ZNF704: variants seen among roughly 807,000 people sequenced by gnomAD.
ZNF704 encodes zinc finger protein 704.
Under a neutral mutation model 44.7 loss-of-function variants are expected in ZNF704, and 10 were observed. The observed-to-expected ratio is 0.22, with a 90% confidence interval of 0.14 to 0.38. The LOEUF (loss-of-function observed/expected upper bound fraction) is 0.38. ZNF704 is among the 10% of genes least tolerant of loss of function. ZNF704 has a pLI of 1.00. For synonymous variants in ZNF704, 211 were observed against 207.6 expected (o/e 1.02, Z -0.14); for missense variants, 390 against 545.5 (o/e 0.71, Z 2.84).
intron 1 of ZNF704, among the ~76,000 whole-genome samples, chr8:80,837,031 T>C (rs1207016687): frequency 6.6e-6 from 1 of 152,150 alleles, no homozygotes; most frequent in Non-Finnish European, 1.5e-5. Context: ...GTAGCATTAT[T>C]ACATAAATGG....
chr8:80,821,601 C>T lies in ZNF704; in HGVS notation c.-7G>A, dbSNP rs1808272659. On this transcript the variant is annotated 5_prime_UTR_variant, in exon 2 of 9. Transcript: ENST00000327835. ...ACTGAAATGTGAAGGTCATTTCCCGCTTAATGCTCCCCACCTGTGAAATGA... is the reference window on the plus strand; with the variant it reads ...ACTGAAATGTGAAGGTCATTTCCCGTTTAATGCTCCCCACCTGTGAAATGA... 1 of 1,612,730 alleles carries T rather than the reference C, an allele frequency of 6.2e-7. No homozygotes were observed. The highest frequency in any genetic ancestry group is 1.7e-5 in the Admixed American group (1 of 59,840).
At chr8:80,867,024 T>G (rs1162601435) in intron 1 of ZNF704, among the ~76,000 whole-genome samples, 1 of 152,154 alleles carries the variant, frequency 6.6e-6, no homozygotes, top group Admixed American at 6.5e-5. Context: ...CAACCAGTAG[T>G]AAAATGCTGG....
Position 80,641,061 on chromosome 8 carries a change from C to G in ZNF704, c.*305G>C, listed in dbSNP as rs926863337. 1.5e-5 allele frequency: 3 copies of G among 197,250 alleles called. No homozygotes were observed. The highest frequency in any genetic ancestry group is 6.9e-5 in the African/African-American group (3 of 43,208). 12.2% of individuals were successfully genotyped at this position (197,250 alleles called of 1,614,324 possible). On this transcript the variant is annotated 3_prime_UTR_variant, in exon 9 of 9. Coordinates refer to ENST00000327835, the MANE Select transcript of ZNF704 (RefSeq NM_001033723.3). ...AAAATGGGCTTTGTTGGTTCAATTG[C>G]TACAGAAGTCCACAGTTTTAAGTCT...
intron 4 of ZNF704, among the ~76,000 whole-genome samples, chr8:80,681,442 A>G (rs1486970663): frequency 6.6e-6 from 1 of 152,140 alleles, no homozygotes; most frequent in East Asian, 1.9e-4. Context: ...GGCAGCATTA[A>G]TCTATAGTGA....
At position 80,636,211 on chromosome 8, in the gene ZNF704, A is replaced by G. The variant is rs561912967; in HGVS notation, c.*5155T>C. ...ATAATTGTTTTTGTATTTAAAGGTT[A>G]TGTTTTGCCAAGACATATTACCATT... On this transcript the variant is annotated 3_prime_UTR_variant, in exon 9 of 9. Transcript: ENST00000327835. The G allele has an allele frequency of 6.6e-6, 1 of 152,328 alleles. No individual in the cohort carries two copies. Among genetic ancestry groups the G allele is most frequent in the African/African-American group, 2.4e-5 (1 of 41,572 alleles). 9.4% of individuals were successfully genotyped at this position (152,328 alleles called of 1,614,324 possible). A position where few individuals can be genotyped will look rare whatever the true frequency, so the allele number is the denominator to read the frequency against.
At chr8:80,813,658 A>G (rs1029807537) in intron 2 of ZNF704, among the ~76,000 whole-genome samples, 14 of 152,166 alleles carry the variant, frequency 9.2e-5, no homozygotes, top group Admixed American at 7.9e-4. Flanking sequence ...CGGGCAGATC[A>G]TGAGGTCAGG....
chr8:80,764,312 A>T (rs1243920458), intron 2 of ZNF704, among the ~76,000 whole-genome samples: 1 of 152,236 alleles, frequency 6.6e-6, no homozygotes, highest in Non-Finnish European at 1.5e-5. Context: ...AGGTCTCAGG[A>T]AACTTAGAGT....
intron 2 of ZNF704, among the ~76,000 whole-genome samples, chr8:80,747,361 C>G (rs530626430): frequency 6.6e-6 from 1 of 152,096 alleles, no homozygotes; most frequent in Non-Finnish European, 1.5e-5. Context: ...ATAGTTTATA[C>G]CATAAATAGC....
chr8:80,810,797 G>A (rs1417273327), intron 2 of ZNF704, among the ~76,000 whole-genome samples: 1 of 152,222 alleles, frequency 6.6e-6, no homozygotes, highest in Admixed American at 6.5e-5. Flanking sequence ...GGGACATACA[G>A]GAATCATGCT....
chr8:80,659,726 A>C, intron 6 of ZNF704, 37 bp from the exon 7 acceptor site: 1 of 1,591,702 alleles, frequency 6.3e-7, no homozygotes, highest in Admixed American at 1.7e-5. Context: ...GTTATGAAGG[A>C]ATATTTTCCT....
chr8:80,771,624 TAAAC>T (rs1807321996), intron 2 of ZNF704, among the ~76,000 whole-genome samples: 1 of 152,216 alleles, frequency 6.6e-6, no homozygotes, highest in Admixed American at 6.5e-5. Flanking sequence ...ATATTCTACT[TAAAC>T]AATTATTTTA....
intron 7 of ZNF704, among the ~76,000 whole-genome samples, chr8:80,657,870 AAC>A (rs1455196052): frequency 6.6e-6 from 1 of 152,146 alleles, no homozygotes; most frequent in Non-Finnish European, 1.5e-5. Flanking sequence ...CCAGGTAATC[AAC>A]ACAGAGTGAA....
Position 80,631,708 on chromosome 8 carries a change from T to G in ZNF704, c.*9658A>C, listed in dbSNP as rs1817587989. On this transcript the variant is annotated 3_prime_UTR_variant, in exon 9 of 9. Transcript: ENST00000327835. ...GCCTTGTCATTCTTTACAGTGAGTCTGAACAAATCTTTTGTGATGAGCGTG... is the reference window on the plus strand; with the variant it reads ...GCCTTGTCATTCTTTACAGTGAGTCGGAACAAATCTTTTGTGATGAGCGTG... 6.6e-6 allele frequency: 1 copy of G among 152,240 alleles called. No individual in the cohort carries two copies. The highest frequency in any genetic ancestry group is 2.1e-4 in the South Asian group (1 of 4,836). 9.4% of individuals were successfully genotyped at this position (152,240 alleles called of 1,614,324 possible).
chr8:80,832,975 T>C (rs77122771), intron 1 of ZNF704, among the ~76,000 whole-genome samples: 5,344 of 152,270 alleles, frequency 0.035, 328 homozygotes, highest in African/African-American at 0.12. Context: ...TCAGACCCAA[T>C]AGATTTAAAA....
chr8:80,849,236 T>C (rs1808818199), intron 1 of ZNF704, among the ~76,000 whole-genome samples: 1 of 152,194 alleles, frequency 6.6e-6, no homozygotes, highest in South Asian at 2.1e-4. Flanking sequence ...TATTACAGAA[T>C]ACCTGTAAGA....
At position 80,739,070 on chromosome 8, in the gene ZNF704, TACTC is replaced by T. The variant is rs539427367; in HGVS notation, c.222-45967_222-45964del. On this transcript the variant is annotated intron_variant, in intron 2 of 8. Transcript: ENST00000327835. ...CTGAAGATTCAGGTTATTTAGCAAA[TACTC>T]AGCCCCAAAATCCACTCAGGTAATG... Among the ~76,000 whole-genome samples the T allele has an allele frequency of 8.9e-4, 135 of 152,290 alleles. 1 individual carries two copies. The highest frequency in any genetic ancestry group is 2.2e-3 in the Admixed American group (34 of 15,304).
intron 7 of ZNF704, among the ~76,000 whole-genome samples, chr8:80,649,640 T>G (rs1563504240): frequency 1.3e-5 from 2 of 152,184 alleles, no homozygotes; most frequent in Non-Finnish European, 2.9e-5. Flanking sequence ...TTGCCGAGGC[T>G]TGAGTAGGTA....
intron 1 of ZNF704, among the ~76,000 whole-genome samples, chr8:80,861,818 G>A (rs528330252): frequency 2.0e-5 from 3 of 151,362 alleles, no homozygotes; most frequent in Admixed American, 6.6e-5. Context: ...CCATTTGGAG[G>A]TCTAACAGGT....
At chr8:80,823,728 G>A (rs564952124) in intron 1 of ZNF704, among the ~76,000 whole-genome samples, 63 of 152,306 alleles carry the variant, frequency 4.1e-4, no homozygotes, top group African/African-American at 1.4e-3. Flanking sequence ...GAAGCTTCCA[G>A]AGGAAGGATC....
Sources: allele counts gnomAD v4.1 joint callset (sites outside exome capture counted in the v4.1 genomes callset), GRCh38; gene constraint gnomAD v4.1.1; transcripts MANE v1.5; gene names NCBI Gene and HGNC (gene_info 2026-07-23, HGNC 2026-07-21).